MFSD2A: variants seen among roughly 807,000 people sequenced by gnomAD.
MFSD2A encodes sodium-dependent lysophosphatidylcholine symporter 1.
MFSD2A carries 27 observed loss-of-function variants against 64.7 expected under a neutral mutation model. That is an observed-to-expected ratio of 0.42 (90% CI 0.31 to 0.58). The LOEUF is 0.58. Ranked by LOEUF, MFSD2A falls within the 20% of genes least tolerant of loss-of-function variation. The pLI, the probability that MFSD2A is intolerant of heterozygous loss-of-function variation, is 0.18. For synonymous variants in MFSD2A, 258 were observed against 273.4 expected (o/e 0.94, Z 0.55); for missense variants, 474 against 679.5 (o/e 0.70, Z 3.36).
At chr1:39,969,389 C>T (rs746027562) in intron 13 of MFSD2A, 116 bp from the exon 14 acceptor site, 11 of 802,828 alleles carry the variant, frequency 1.4e-5, no homozygotes, top group African/African-American at 1.1e-4. Context: ...CTCTGTGTCC[C>T]GCGGTTCACT....
rs530332695 is a variant in MFSD2A at position 39,962,869 on chromosome 1, A to C, written c.354-2342A>C. 3.5e-4 allele frequency: 545 copies of C among 1,570,014 alleles called. 2 individuals carry two copies. In the African/African-American group the frequency reaches 6.2e-3, roughly 18 times the overall value. On this transcript the variant is annotated intron_variant, in intron 3 of 13. Transcript: ENST00000372811. ...GCCTCTCTCAAGGATGAGGTTTTGA[A>C]GATTATGCCAGTGCAGAAGCAGACC...
In MFSD2A at chr1:39,964,873, C is replaced by T. The variant is rs2124773584; in HGVS notation, c.354-338C>T. On this transcript the variant is annotated intron_variant, in intron 3 of 13. Coordinates refer to ENST00000372811, the MANE Select transcript of MFSD2A (RefSeq NM_032793.5). This position sits in a 1 kb window ranked among gnomAD's most constrained non-coding sequence, Gnocchi z 4.1. ...GAGAACACGGGAGTTGGGGCTGCTC[C>T]TTCTCTTTGCCTCCTTGCCCAGGCA... 3.0e-6 allele frequency: 1 copy of T among 336,356 alleles called. No individual in the cohort carries two copies. The highest frequency in any genetic ancestry group is 2.1e-5 in the African/African-American group (1 of 48,126). 20.8% of individuals were successfully genotyped at this position (336,356 alleles called of 1,614,324 possible). A position where few individuals can be genotyped will look rare whatever the true frequency, so the allele number is the denominator to read the frequency against.
Position 39,965,677 on chromosome 1 carries a change from C to G in MFSD2A, c.556+128C>G. On this transcript the variant is annotated intron_variant, in intron 5 of 13. Transcript: ENST00000372811. This position sits in a 1 kb window ranked among gnomAD's most constrained non-coding sequence, Gnocchi z 5.5. ...GAAACCATCTTAAAAATAACTCAAT[C>G]CCCTTATTGCTCAGATGAGACCTGG... The G allele has an allele frequency of 2.4e-6, 3 of 1,233,216 alleles. No individual in the cohort carries two copies. The highest frequency in any genetic ancestry group is 3.5e-6 in the Non-Finnish European group (3 of 857,670). The allele number at this position is 1,233,216 out of a possible 1,614,324, so 76.4% of individuals were successfully genotyped here.
chr1:39,968,890 G>A lies in MFSD2A; in HGVS notation c.1529+145G>A, dbSNP rs115678430. 5.4e-4 allele frequency: 450 copies of A among 832,500 alleles called. 5 individuals are homozygous for A. In the African/African-American group the frequency reaches 6.5e-3, roughly 12 times the overall value. 51.6% of individuals were successfully genotyped at this position (832,500 alleles called of 1,614,324 possible). ...AACACTTAAGTACGCACCAGGCACT[G>A]TGTTAAGTGGTCTTACCTTTATTCA... On this transcript the variant is annotated intron_variant, in intron 13 of 13. Transcript: ENST00000372811. The surrounding 1 kb of genome is among the most constrained non-coding windows in gnomAD (Gnocchi z 4.4).
chr1:39,956,712 C>G (rs934961033), intron 1 of MFSD2A, among the ~76,000 whole-genome samples: 1 of 151,600 alleles, frequency 6.6e-6, no homozygotes, highest in Non-Finnish European at 1.5e-5. Context: ...TCTCGGAGAT[C>G]GAGACCATGC....
In MFSD2A at chr1:39,968,500, G is replaced by T. The variant is rs779533792; in HGVS notation, c.1352+23G>T. On this transcript the variant is annotated intron_variant, in intron 12 of 13. Transcript: ENST00000372811. This position sits in a 1 kb window ranked among gnomAD's most constrained non-coding sequence, Gnocchi z 4.4. ...GGAGTGAGTGGGGTGGGGACCTGGG[G>T]CAGGACTGGGCAGGGCCAGGCCCCA... is the stretch of plus-strand genomic sequence containing the variant. The T allele has an allele frequency of 1.1e-5, 18 of 1,614,002 alleles. No homozygotes were observed. The African/African-American group carries it at 2.4e-4, about 22-fold the overall frequency.
rs1278119822 is a variant in MFSD2A, at chr1:39,966,632, TTGTC to T, written c.750_753del (p.Cys251SerfsTer3). The T allele has an allele frequency of 3.1e-6, 5 of 1,613,816 alleles. No homozygotes were observed. The highest frequency in any genetic ancestry group is 1.1e-5 in the South Asian group (1 of 91,032). On this transcript the variant is annotated frameshift_variant, in exon 7 of 14. Coordinates refer to ENST00000372811, the MANE Select transcript of MFSD2A (RefSeq NM_032793.5). LOFTEE classifies it high-confidence loss of function. ...GCATACCTGCTGGCAGCGGGGGTCATTGTCTGTATCTATATAATCTGTGCTGTCA... is the reference window on the plus strand; with the variant it reads ...GCATACCTGCTGGCAGCGGGGGTCATTGTATCTATATAATCTGTGCTGTCA...
intron 3 of MFSD2A, chr1:39,962,862 G>A (rs1238686342): frequency 4.5e-6 from 7 of 1,567,008 alleles, no homozygotes; most frequent in Non-Finnish European, 6.0e-6. Flanking sequence ...CAAGGATGAG[G>A]TTTTGAAGAT....
rs1372114054 is a variant in MFSD2A, at chr1:39,958,705, G to A, written c.233G>A (p.Gly78Asp). The change falls in exon 3 of 14, where the codon GGC (glycine) becomes GAC (aspartate). Residue 78 changes from glycine to aspartate, a missense_variant. Coordinates refer to ENST00000372811, the MANE Select transcript of MFSD2A (RefSeq NM_032793.5). The surrounding 1 kb of genome is among the most constrained non-coding windows in gnomAD (Gnocchi z 4.7). ...QIYLLDVAQV[G>D]PFSASIILFV... ...TTTTGCTTCTCCTCATTCCAGGTGG[G>A]CCCTTTCTCTGCCTCCATCATCCTG... 1 of 1,614,006 alleles carries A rather than the reference G, an allele frequency of 6.2e-7. No homozygotes were observed. Among genetic ancestry groups the A allele is most frequent in the African/African-American group, 1.3e-5 (1 of 74,918 alleles).
chr1:39,957,030 A>G, intron 1 of MFSD2A, 57 bp from the exon 2 acceptor site: 1 of 1,604,038 alleles, frequency 6.2e-7, no homozygotes, highest in Non-Finnish European at 8.5e-7. Flanking sequence ...TTCCTGTGGA[A>G]CCTTCTTGGA....
chr1:39,965,491 G>T lies in MFSD2A; in HGVS notation c.498G>T (p.Ser166=). 1 of 1,613,898 alleles carries T rather than the reference G, an allele frequency of 6.2e-7. No homozygotes were observed. The highest frequency in any genetic ancestry group is 8.5e-7 in the Non-Finnish European group (1 of 1,179,974). ...GCCAGTGTTTCCATGTTCCCTACTC[G>T]GCTCTCACCATGTTCATCAGCACCG... The part of the protein sequence containing the change: ...TMVTCFHVPY[S]ALTMFISTEQ... The change falls in exon 5 of 14, where the codon TCG becomes TCT. Residue 166 remains serine (S), a synonymous_variant. Coordinates refer to ENST00000372811, the MANE Select transcript of MFSD2A (RefSeq NM_032793.5). This position sits in a 1 kb window ranked among gnomAD's most constrained non-coding sequence, Gnocchi z 5.5.
chr1:39,961,078 G>A (rs1645030148), intron 3 of MFSD2A, among the ~76,000 whole-genome samples: 1 of 151,694 alleles, frequency 6.6e-6, no homozygotes, highest in South Asian at 2.1e-4. Flanking sequence ...GCCTCCCTAA[G>A]TGCTGGGATT....
In MFSD2A at chr1:39,962,682, C is replaced by T. The variant is rs562189830; in HGVS notation, c.354-2529C>T. ...TCATGGCCGTGGACGGGGCCCGGGC[C>T]GAAGCTGCGGAGCTTGCTGAGGCAA... On this transcript the variant is annotated intron_variant, in intron 3 of 13. Coordinates refer to ENST00000372811, the MANE Select transcript of MFSD2A (RefSeq NM_032793.5). 31 of 780,928 alleles carry T rather than the reference C, an allele frequency of 4.0e-5. No homozygotes were observed. The Middle Eastern group carries it at 1.0e-3, about 26-fold the overall frequency. The allele number at this position is 780,928 out of a possible 1,614,324, so 48.4% of individuals were successfully genotyped here. A position where few individuals can be genotyped will look rare whatever the true frequency, so the allele number is the denominator to read the frequency against.
At chr1:39,967,362 T>C (rs1434838904) in intron 9 of MFSD2A, 193 bp downstream of exon 9, 2 of 637,118 alleles carry the variant, frequency 3.1e-6, no homozygotes, top group Non-Finnish European at 5.5e-6. Flanking sequence ...GTTAGATGTT[T>C]GAGTAGTGAG....
At position 39,965,031 on chromosome 1, in the gene MFSD2A, G is replaced by T; in HGVS notation, c.354-180G>T. 1 of 757,816 alleles carries T rather than the reference G, an allele frequency of 1.3e-6. No individual in the cohort carries two copies. The highest frequency in any genetic ancestry group is 2.1e-6 in the Non-Finnish European group (1 of 480,852). The allele number at this position is 757,816 out of a possible 1,614,324, so 46.9% of individuals were successfully genotyped here. A position where few individuals can be genotyped will look rare whatever the true frequency, so the allele number is the denominator to read the frequency against. ...GGTCCCAGTTCCCATCTGCCATTCC[G>T]GGCTTGGTCATCAGCCTCTTCCCAG... On this transcript the variant is annotated intron_variant, in intron 3 of 13. Coordinates refer to ENST00000372811, the MANE Select transcript of MFSD2A (RefSeq NM_032793.5). The surrounding 1 kb of genome is among the most constrained non-coding windows in gnomAD (Gnocchi z 5.5).
At chr1:39,957,006 C>T in intron 1 of MFSD2A, 81 bp from the exon 2 acceptor site, 8 of 1,536,368 alleles carry the variant, frequency 5.2e-6, no homozygotes, top group Non-Finnish European at 7.1e-6. Flanking sequence ...TAGAGCTGGC[C>T]AGAGGGATGG....
At position 39,966,021 on chromosome 1, in the gene MFSD2A, C is replaced by T. The variant is rs187731428; in HGVS notation, c.714+7C>T. 52 of 1,613,868 alleles carry T rather than the reference C, an allele frequency of 3.2e-5. No individual in the cohort carries two copies. The East Asian group carries it at 7.6e-4, about 24-fold the overall frequency. On this transcript the variant is annotated splice_region_variant and intron_variant, in intron 6 of 13. Coordinates refer to ENST00000372811, the MANE Select transcript of MFSD2A (RefSeq NM_032793.5). Reference sequence around the variant, plus strand: ...CACCTCACACAGGGAAACGGTGAGGCCCTGGGCAGGGCAGGGATTTGGGGA... The same window carrying T: ...CACCTCACACAGGGAAACGGTGAGGTCCTGGGCAGGGCAGGGATTTGGGGA...
chr1:39,963,290 C>T lies in MFSD2A; in HGVS notation c.354-1921C>T. 1 of 1,379,870 alleles carries T rather than the reference C, an allele frequency of 7.2e-7. No homozygotes were observed. Among genetic ancestry groups the T allele is most frequent in the Admixed American group, 1.7e-5 (1 of 57,718 alleles). 85.5% of individuals were successfully genotyped at this position (1,379,870 alleles called of 1,614,324 possible). A position where few individuals can be genotyped will look rare whatever the true frequency, so the allele number is the denominator to read the frequency against. ...CCTTTGATGCCATCTCTAAGACCTA[C>T]AGCTACCTGACCCCCGACCTCTGGA... On this transcript the variant is annotated intron_variant, in intron 3 of 13. Transcript: ENST00000372811. This position sits in a 1 kb window ranked among gnomAD's most constrained non-coding sequence, Gnocchi z 4.2.
In MFSD2A at chr1:39,957,170, G is replaced by A. The variant is rs114073258; in HGVS notation, c.177G>A (p.Thr59=). The change falls in exon 2 of 14, where the codon ACG becomes ACA. Residue 59 remains threonine (T), a synonymous_variant. Coordinates refer to ENST00000372811, the MANE Select transcript of MFSD2A (RefSeq NM_032793.5). The stretch of plus-strand genomic sequence containing the variant: ...TTGGGGGAGCCCCCTACCAGGTGAC[G>A]GGCTGTGCCCTGGGTTTCTTCCTTC... ...YALGGAPYQV[T]GCALGFFLQI... 130 of 1,613,080 alleles carry A rather than the reference G, an allele frequency of 8.1e-5. No homozygotes were observed. The African/African-American group carries it at 1.2e-3, about 14-fold the overall frequency.
Sources: gnomAD v4.1 joint callset for allele counts (sites outside exome capture counted in the v4.1 genomes callset) on GRCh38, gnomAD v4.1.1 for gene constraint, Gnocchi (gnomAD v3.1) non-coding constraint, MANE v1.5 for transcripts, NCBI Gene and HGNC (gene_info 2026-07-23, HGNC 2026-07-21) for gene names.